The following FBXW11 variants were observed in gnomAD, a reference collection of about 807,000 sequenced individuals.
FBXW11 encodes the protein F-box/WD repeat-containing protein 11.
In FBXW11, 19 loss-of-function variants were observed where a neutral mutation model predicts 77.6. That is an observed-to-expected ratio of 0.24 (90% confidence interval 0.17 to 0.36). The LOEUF is 0.36. FBXW11 is among the 10% of genes least tolerant of loss of function. The pLI is 1.00. For synonymous variants in FBXW11, 235 were observed against 249.4 expected, an observed-to-expected ratio of 0.94 and a Z score of 0.54; for missense variants, 334 against 704.2, an observed-to-expected ratio of 0.47 and a Z score of 5.95.
chr5:171,923,008 C>T (rs902519509), intron 2 of FBXW11, among the ~76,000 whole-genome samples: 11 of 152,018 alleles, frequency 7.2e-5, no homozygotes, highest in Non-Finnish European at 1.6e-4. Context: ...TCTGCCTCCG[C>T]GGTTCAAGCA....
chr5:171,914,473 T>C (rs1393220419), intron 2 of FBXW11, 68 bp from the exon 3 acceptor site: 29 of 1,393,598 alleles, frequency 2.1e-5, no homozygotes. Flanking sequence ...CTACAATAAA[T>C]AATTTTGAAA....
chr5:171,900,223 A>G (rs977269681), intron 4 of FBXW11, 123 bp from the exon 5 acceptor site: 4 of 760,994 alleles, frequency 5.3e-6, no homozygotes, highest in Middle Eastern at 2.5e-4. Flanking sequence ...AGTCATATCA[A>G]AAGTTCTACA....
chr5:171,929,439 A>C (rs1296741813), intron 2 of FBXW11, among the ~76,000 whole-genome samples: 2 of 152,232 alleles, frequency 1.3e-5, no homozygotes, highest in Non-Finnish European at 2.9e-5. Context: ...ATTGAAAATC[A>C]CAAGTTTCAC....
intron 13 of FBXW11, 147 bp downstream of exon 13, chr5:171,868,463 C>G (rs1757554666): frequency 3.6e-6 from 2 of 559,028 alleles, no homozygotes; most frequent in Non-Finnish European, 6.2e-6. Context: ...CTATAAAGAT[C>G]CAGCCTTACA....
chr5:171,972,502 TAAAAAAA>T (rs70982360), intron 1 of FBXW11, among the ~76,000 whole-genome samples: 4 of 48,218 alleles, frequency 8.3e-5, no homozygotes, highest in African/African-American at 2.0e-4. Flanking sequence ...CTCTGTCTCA[TAAAAAAA>T]AAAAAAAAAA....
At chr5:171,926,303 G>A (rs1357883653) in intron 2 of FBXW11, among the ~76,000 whole-genome samples, 1 of 152,182 alleles carries the variant, frequency 6.6e-6, no homozygotes, top group African/African-American at 2.4e-5. Context: ...CAAAACTGAG[G>A]TGAAAACAGG....
chr5:171,968,371 T>C (rs1057028563), intron 1 of FBXW11, among the ~76,000 whole-genome samples: 1 of 150,530 alleles, frequency 6.6e-6, no homozygotes, highest in African/African-American at 2.4e-5. Context: ...GGCAGGAGAA[T>C]GGTGCGAACC....
At chr5:171,898,964 G>A in intron 6 of FBXW11, 40 bp downstream of exon 6, 1 of 1,315,256 alleles carries the variant, frequency 7.6e-7, no homozygotes, top group East Asian at 2.3e-5. Flanking sequence ...TTGAGAACAA[G>A]AAACAAAGAG....
At chr5:171,913,907 C>T (rs1485651967) in intron 3 of FBXW11, among the ~76,000 whole-genome samples, 1 of 149,074 alleles carries the variant, frequency 6.7e-6, no homozygotes, top group African/African-American at 2.5e-5. Flanking sequence ...ACTGGCAAAC[C>T]TTAAACTAGA....
At chr5:171,883,982 C>T (rs919906943) in intron 7 of FBXW11, among the ~76,000 whole-genome samples, 3 of 152,168 alleles carry the variant, frequency 2.0e-5, no homozygotes, top group African/African-American at 7.2e-5. Context: ...TTTTCTCCCA[C>T]TCTGTGGGCT....
chr5:172,001,238 G>A (rs548066885), intron 1 of FBXW11, among the ~76,000 whole-genome samples: 84 of 152,338 alleles, frequency 5.5e-4, no homozygotes, highest in African/African-American at 2.0e-3. Flanking sequence ...GTGCTGAGGA[G>A]TAACAGGGCA....
intron 1 of FBXW11, among the ~76,000 whole-genome samples, chr5:171,968,760 C>T (rs1441167614): frequency 6.6e-6 from 1 of 152,174 alleles, no homozygotes; most frequent in East Asian, 1.9e-4. Flanking sequence ...GTTAATCCAA[C>T]TTCCCCTTCC....
At chr5:171,997,172 T>C (rs1166461234) in intron 1 of FBXW11, 6 of 783,262 alleles carry the variant, frequency 7.7e-6, no homozygotes, top group African/African-American at 7.2e-5. Flanking sequence ...AAAAAAGTTA[T>C]AACCCCTGAG....
intron 1 of FBXW11, among the ~76,000 whole-genome samples, chr5:172,006,174 C>T (rs1462758505): frequency 6.6e-6 from 1 of 152,192 alleles, no homozygotes; most frequent in Non-Finnish European, 1.5e-5. Context: ...CCTAAGTCTA[C>T]AGCATAAACG....
intron 7 of FBXW11, among the ~76,000 whole-genome samples, chr5:171,879,774 T>A (rs1355637182): frequency 1.3e-5 from 2 of 152,258 alleles, no homozygotes; most frequent in Non-Finnish European, 2.9e-5. Flanking sequence ...TGTTAAGGTC[T>A]ATGCCTTATT....
chr5:171,917,894 C>T (rs1244295650), intron 2 of FBXW11, among the ~76,000 whole-genome samples: 1 of 151,786 alleles, frequency 6.6e-6, no homozygotes, highest in African/African-American at 2.4e-5. Context: ...CTATAATATA[C>T]TATTATTTTA....
At chr5:171,875,772 G>A (rs1311310388) in intron 9 of FBXW11, among the ~76,000 whole-genome samples, 1 of 152,118 alleles carries the variant, frequency 6.6e-6, no homozygotes, top group Non-Finnish European at 1.5e-5. Flanking sequence ...GCTTCTTGAA[G>A]GCAAGGACAT....
intron 1 of FBXW11, among the ~76,000 whole-genome samples, chr5:171,967,141 T>A (rs1008216441): frequency 2.6e-5 from 4 of 152,226 alleles, no homozygotes; most frequent in African/African-American, 9.6e-5. Flanking sequence ...TGCTGATTGA[T>A]ACAATCTCTG....
chr5:171,960,628 G>C (rs1326970130), intron 1 of FBXW11, among the ~76,000 whole-genome samples: 1 of 152,194 alleles, frequency 6.6e-6, no homozygotes, highest in Non-Finnish European at 1.5e-5. Context: ...ATCACAGATT[G>C]TGAGAACAGG....
Sources: allele counts gnomAD v4.1 joint callset (sites outside exome capture counted in the v4.1 genomes callset), GRCh38; gene constraint gnomAD v4.1.1; transcripts MANE v1.5; gene names NCBI Gene and HGNC (gene_info 2026-07-23, HGNC 2026-07-21).